The following CCDC146 variants were observed in gnomAD, a reference collection of about 807,000 sequenced individuals.
The protein encoded by CCDC146 is coiled-coil domain containing 146.
CCDC146 carries 92 observed loss-of-function variants against 119.3 expected under a neutral mutation model. That is an observed-to-expected ratio of 0.77 (90% confidence interval 0.65 to 0.92). The LOEUF (loss-of-function observed/expected upper bound fraction) is 0.92, where lower values mean the gene tolerates loss of function less well. Among genes scored for constraint, CCDC146 ranks in the 40% least tolerant of loss-of-function variants. The probability of loss-of-function intolerance (pLI) is 0.00; values close to 1 mark genes in which losing one functional copy is unlikely to be tolerated. For synonymous variants in CCDC146, 372 were observed against 371.8 expected, an observed-to-expected ratio of 1.00 and a Z score of -0.01; for missense variants, 1,000 against 1,103.0, an observed-to-expected ratio of 0.91 and a Z score of 1.32.
Position 77,294,671 on chromosome 7 carries a change from G to C in CCDC146, c.2673G>C (p.Leu891Phe). The C allele has an allele frequency of 6.2e-7, 1 of 1,614,098 alleles. No individual in the cohort carries two copies. Residue 891 changes from leucine (L) to phenylalanine (F), a missense_variant, in exon 19 of 19, where the codon TTG becomes TTC. Around this residue, in one of 2 missense-constraint regions of CCDC146, gnomAD observed 985 missense variants for 1,045.3 expected, o/e 0.94. Transcript: ENST00000285871. The part of the protein sequence containing the change: ...LAIAEKSQEF[L>F]EADNRQLPNG... Reference sequence around the variant, plus strand: ...AAAATCATTCTTTGCAGGAGTTCTTGGAAGCAGATAATCGCCAGCTGCCCA... The same window carrying C: ...AAAATCATTCTTTGCAGGAGTTCTTCGAAGCAGATAATCGCCAGCTGCCCA...
At chr7:77,192,452 G>A (rs997915301) in intron 2 of CCDC146, among the ~76,000 whole-genome samples, 5 of 152,188 alleles carry the variant, frequency 3.3e-5, no homozygotes, top group African/African-American at 1.2e-4. Flanking sequence ...ACAAAACCCA[G>A]TGAGGAAAGA....
intron 11 of CCDC146, among the ~76,000 whole-genome samples, chr7:77,276,642 G>T (rs1793646762): frequency 6.6e-6 from 1 of 152,290 alleles, no homozygotes; most frequent in South Asian, 2.1e-4. Flanking sequence ...TGAAGTTCAT[G>T]GAGTAGTTGG....
At chr7:77,254,084 G>T (rs778372190) in intron 4 of CCDC146, among the ~76,000 whole-genome samples, 17 of 152,200 alleles carry the variant, frequency 1.1e-4, no homozygotes, top group Middle Eastern at 3.2e-3. Flanking sequence ...AATCACTGTG[G>T]TATGGGTGGA....
At chr7:77,287,608 G>A in intron 17 of CCDC146, 31 bp downstream of exon 17, 4 of 1,601,896 alleles carry the variant, frequency 2.5e-6, no homozygotes, top group Non-Finnish European at 3.4e-6. Flanking sequence ...TTTCCCTTCT[G>A]CCCCTGCTCC....
intron 9 of CCDC146, among the ~76,000 whole-genome samples, chr7:77,266,728 G>C (rs1793409699): frequency 6.6e-6 from 1 of 152,046 alleles, no homozygotes; most frequent in Non-Finnish European, 1.5e-5. Flanking sequence ...CTCTACACCA[G>C]CTGTTCTCCA....
At chr7:77,292,616 CA>C (rs61250624) in intron 17 of CCDC146, among the ~76,000 whole-genome samples, 307 of 90,012 alleles carry the variant, frequency 3.4e-3, no homozygotes, top group Middle Eastern at 0.013. Flanking sequence ...GACTCAGTCT[CA>C]AAAAAAAAAA....
Position 77,196,849 on chromosome 7 carries a change from G to T in CCDC146, c.156+29025G>T. On this transcript the variant is annotated intron_variant, in intron 2 of 18. Transcript: ENST00000285871. The surrounding 1 kb of genome is among the most constrained non-coding windows in gnomAD (Gnocchi z 4.2). ...CGAGACGTGCCTGCAGCACTGTCCA[G>T]CCTCCCCCCATGGTCTCCATGTCAC... The T allele has an allele frequency of 6.2e-7, 1 of 1,613,768 alleles. No homozygotes were observed. The highest frequency in any genetic ancestry group is 8.5e-7 in the Non-Finnish European group (1 of 1,179,940).
intron 17 of CCDC146, 53 bp from the exon 18 acceptor site, chr7:77,292,899 T>G: frequency 1.3e-6 from 2 of 1,558,416 alleles, no homozygotes; most frequent in Non-Finnish European, 1.7e-6. Flanking sequence ...CCTGCCATTT[T>G]AAGTCTTTGT....
In CCDC146 at chr7:77,280,493, G is replaced by T. The variant is rs1793742826; in HGVS notation, c.1759G>T (p.Asp587Tyr). Residue 587 changes from aspartate (D) to tyrosine (Y), a missense_variant, in exon 14 of 19, where the codon GAT becomes TAT. Around this residue, in one of 2 missense-constraint regions of CCDC146, gnomAD observed 985 missense variants for 1,045.3 expected, o/e 0.94. Coordinates refer to ENST00000285871, the MANE Select transcript of CCDC146 (RefSeq NM_020879.3). ...NVTIRESMQN[D>Y]VRKIVSKLQE... ...TACCATCAGAGAGAGCATGCAAAAC[G>T]ATGTGCGCAAAATTGTATCAAAACT... 1 of 1,613,936 alleles carries T rather than the reference G, an allele frequency of 6.2e-7. No homozygotes were observed. The highest frequency in any genetic ancestry group is 1.7e-5 in the Admixed American group (1 of 59,996).
chr7:77,273,666 A>G, intron 9 of CCDC146, 28 bp from the exon 10 acceptor site: 2 of 1,522,948 alleles, frequency 1.3e-6, no homozygotes, highest in South Asian at 1.1e-5. Context: ...TCTTACATAA[A>G]TGCATGTTTT....
intron 17 of CCDC146, 75 bp from the exon 18 acceptor site, chr7:77,292,877 G>A: frequency 6.7e-7 from 1 of 1,494,798 alleles, no homozygotes; most frequent in Middle Eastern, 1.8e-4. Flanking sequence ...CGCCATTATA[G>A]ACAGCCAGCA....
rs1028446662 is a variant in CCDC146, at chr7:77,196,260, G to T, written c.156+28436G>T. The T allele has an allele frequency of 1.9e-6, 3 of 1,567,298 alleles. No homozygotes were observed. Among genetic ancestry groups the T allele is most frequent in the Non-Finnish European group, 2.6e-6 (3 of 1,145,738 alleles). ...TGCCCTATTAGATAACGAATACCTG[G>T]AGGAATGAACAGAGTGATTTATGGC... On this transcript the variant is annotated intron_variant, in intron 2 of 18. Transcript: ENST00000285871. The surrounding 1 kb of genome is among the most constrained non-coding windows in gnomAD (Gnocchi z 4.2).
Position 77,294,960 on chromosome 7 carries a change from T to C in CCDC146, c.*94T>C. On this transcript the variant is annotated 3_prime_UTR_variant, in exon 19 of 19. Transcript: ENST00000285871. ...AAATGTGAGCATAATACTTCTAATA[T>C]TATTGATAAGTAAGGTAACCACAAT... 1.0e-6 allele frequency: 1 copy of C among 992,882 alleles called. No individual in the cohort carries two copies. The allele number at this position is 992,882 out of a possible 1,614,324, so 61.5% of individuals were successfully genotyped here.
chr7:77,125,717 A>G (rs1248511614), intron 1 of CCDC146, among the ~76,000 whole-genome samples: 1 of 152,092 alleles, frequency 6.6e-6, no homozygotes, highest in Admixed American at 6.5e-5. Flanking sequence ...CAAAGAATTC[A>G]GCAATTTAGC....
chr7:77,194,746 A>G (rs1329132579), intron 2 of CCDC146: 3 of 152,168 alleles, frequency 2.0e-5, no homozygotes, highest in Admixed American at 1.3e-4. Context: ...CATACACTAC[A>G]GTGAATTACT....
intron 3 of CCDC146, among the ~76,000 whole-genome samples, chr7:77,239,462 G>C (rs1387712302): frequency 6.6e-6 from 1 of 152,220 alleles, no homozygotes; most frequent in Non-Finnish European, 1.5e-5. Context: ...ATGCTATTGA[G>C]CAAATGACAT....
intron 2 of CCDC146, among the ~76,000 whole-genome samples, chr7:77,202,809 T>C (rs567757882): frequency 3.3e-4 from 51 of 152,346 alleles, no homozygotes; most frequent in Middle Eastern, 3.4e-3. Flanking sequence ...CTGGTCATTT[T>C]ACAGTTTTCA....
At chr7:77,130,519 AAAAC>A in intron 1 of CCDC146, among the ~76,000 whole-genome samples, 1 of 152,062 alleles carries the variant, frequency 6.6e-6, no homozygotes, top group East Asian at 1.9e-4. Context: ...ATTACTTACT[AAAAC>A]AAACAAAAAT....
At chr7:77,242,790 T>C (rs1433950489) in intron 4 of CCDC146, among the ~76,000 whole-genome samples, 1 of 151,982 alleles carries the variant, frequency 6.6e-6, no homozygotes, top group East Asian at 1.9e-4. Flanking sequence ...AATTCAGTCC[T>C]TCCTAGAGAT....
Sources: gnomAD v4.1 joint callset for allele counts (sites outside exome capture counted in the v4.1 genomes callset) on GRCh38, gnomAD v4.1.1 for gene constraint, gnomAD v4.1.1 regional missense constraint, Gnocchi (gnomAD v3.1) non-coding constraint, MANE v1.5 for transcripts, NCBI Gene and HGNC (gene_info 2026-07-23, HGNC 2026-07-21) for gene names.